Variants in DST observed in about 807,000 individuals in gnomAD.
DST encodes the protein bullous pemphigoid antigen.
Under a neutral mutation model 875.2 loss-of-function variants are expected in DST, and 253 were observed. That is an observed-to-expected ratio of 0.29 (90% CI 0.26 to 0.32). The LOEUF is 0.32. Among genes scored for constraint, DST ranks in the 10% least tolerant of loss-of-function variants. DST has a pLI of 1.00. For synonymous variants in DST, 3,124 were observed against 3,197.1 expected (o/e 0.98, Z 0.77); for missense variants, 8,287 against 9,111.6 (o/e 0.91, Z 3.68).
intron 5 of DST, among the ~76,000 whole-genome samples, chr6:56,711,910 T>C (rs1456735998): frequency 6.6e-6 from 1 of 151,180 alleles, no homozygotes; most frequent in African/African-American, 2.4e-5. Flanking sequence ...GCTAAAACGG[T>C]GAAACCCCGT....
intron 4 of DST, among the ~76,000 whole-genome samples, chr6:56,757,552 G>C (rs1299605831): frequency 6.6e-6 from 1 of 152,120 alleles, no homozygotes; most frequent in African/African-American, 2.4e-5. Flanking sequence ...GGGACACATG[G>C]TAGCCTGGAA....
intron 68 of DST, among the ~76,000 whole-genome samples, chr6:56,526,821 T>C (rs905368821): frequency 6.6e-5 from 10 of 152,214 alleles, no homozygotes; most frequent in Non-Finnish European, 1.2e-4. Context: ...AAATTTAATA[T>C]AAATATTTAA....
intron 49 of DST, among the ~76,000 whole-genome samples, chr6:56,582,422 G>A (rs2098024025): frequency 6.6e-6 from 1 of 151,744 alleles, no homozygotes; most frequent in African/African-American, 2.4e-5. Context: ...TCTCTCACTT[G>A]CTTCTGCTTT....
intron 96 of DST, 66 bp from the exon 97 acceptor site, chr6:56,470,023 T>C (rs1423892079): frequency 4.4e-6 from 7 of 1,604,810 alleles, no homozygotes; most frequent in Non-Finnish European, 6.0e-6. Flanking sequence ...CCTTAAAACT[T>C]TGACACAACA....
chr6:56,458,723 G>A lies in DST; in HGVS notation c.*282C>T, dbSNP rs2094177572. On this transcript the variant is annotated 3_prime_UTR_variant, in exon 104 of 104. Coordinates refer to ENST00000680361, the MANE Select transcript of DST (RefSeq NM_001374736.1). ...CAGAGAGGATGTAGACTTACCTGTA[G>A]GTACAGTAACTGAGTTTAGTGTGTG... is the stretch of plus-strand genomic sequence containing the variant. The A allele has an allele frequency of 3.9e-6, 1 of 256,382 alleles. No homozygotes were observed. 15.9% of individuals were successfully genotyped at this position (256,382 alleles called of 1,614,324 possible).
At chr6:56,847,118 G>A (rs1211795915) in intron 4 of DST, among the ~76,000 whole-genome samples, 1 of 151,718 alleles carries the variant, frequency 6.6e-6, no homozygotes, top group Admixed American at 6.6e-5. Context: ...AGGAGTTCGA[G>A]TCCAGCCTGG....
chr6:56,799,486 C>A (rs1021574405), intron 4 of DST, among the ~76,000 whole-genome samples: 10 of 152,004 alleles, frequency 6.6e-5, no homozygotes, highest in Non-Finnish European at 1.5e-4. Flanking sequence ...GGAACCACCA[C>A]CCTGATCAGT....
chr6:56,515,313 A>G, intron 72 of DST, 137 bp downstream of exon 72: 3 of 944,060 alleles, frequency 3.2e-6, no homozygotes, highest in East Asian at 2.6e-5. Context: ...TTATGAGGTA[A>G]GCAAATTACA....
At chr6:56,765,741 A>G (rs2099631753) in intron 4 of DST, among the ~76,000 whole-genome samples, 2 of 152,236 alleles carry the variant, frequency 1.3e-5, no homozygotes, top group Admixed American at 6.5e-5. Context: ...AGCATCTGGA[A>G]GAAGTCTCCA....
chr6:56,631,786 G>T, intron 29 of DST, 97 bp downstream of exon 29: 1 of 1,106,576 alleles, frequency 9.0e-7, no homozygotes, highest in East Asian at 2.4e-5. Context: ...ACTGGCTAGT[G>T]TGAGTGTGCA....
At chr6:56,578,459 T>G (rs551302498) in intron 50 of DST, among the ~76,000 whole-genome samples, 19 of 152,278 alleles carry the variant, frequency 1.2e-4, no homozygotes, top group African/African-American at 4.6e-4. Flanking sequence ...CCCTCAGAGA[T>G]TCTACTTTGG....
intron 4 of DST, among the ~76,000 whole-genome samples, chr6:56,753,546 T>C (rs371688363): frequency 6.6e-6 from 1 of 152,356 alleles, no homozygotes; most frequent in African/African-American, 2.4e-5. Context: ...ATGAATGTTA[T>C]GCACCTAAGA....
intron 5 of DST, among the ~76,000 whole-genome samples, chr6:56,718,037 G>C (rs1356231714): frequency 6.6e-6 from 1 of 152,088 alleles, no homozygotes; most frequent in Non-Finnish European, 1.5e-5. Flanking sequence ...TTTGAGACGA[G>C]TTTGAGACCA....
chr6:56,626,432 C>T (rs1400019212), intron 34 of DST, among the ~76,000 whole-genome samples: 1 of 152,092 alleles, frequency 6.6e-6, no homozygotes, highest in African/African-American at 2.4e-5. Flanking sequence ...TTACAGTTGC[C>T]TACACTATTC....
chr6:56,603,369 T>C lies in DST; in HGVS notation c.10993A>G (p.Lys3665Glu). The C allele has an allele frequency of 6.2e-7, 1 of 1,611,036 alleles. No homozygotes were observed. The highest frequency in any genetic ancestry group is 1.7e-5 in the Admixed American group (1 of 59,806). Residue 3665 changes from lysine (K) to glutamate (E), a missense_variant, in exon 42 of 104, where the codon AAG becomes GAG. By Grantham distance (56) the Lys-to-Glu change is moderately conservative. This residue lies in a region of DST where 3,138 missense variants were observed against 3,116.6 expected (regional missense o/e 1.01). Coordinates refer to ENST00000680361, the MANE Select transcript of DST (RefSeq NM_001374736.1). Reference protein sequence around the residue: ...PIAVILRKDMKLAEEFLKSLP... With the variant: ...PIAVILRKDMELAEEFLKSLP... ...GACTTTAAAAACTCTTCTGCCAACT[T>C]CATATCTTTTCTTAAAATAACAGCA...
Position 56,532,523 on chromosome 6 carries a change from C to A in DST, c.16942-13G>T. On this transcript the variant is annotated splice_polypyrimidine_tract_variant and intron_variant, in intron 63 of 103. Transcript: ENST00000680361. ...ATCTCTGGAGAAGCTTGAGACAAAA[C>A]ATTAAATATAAAAAAGCAAGGGAAT... The A allele has an allele frequency of 6.4e-7, 1 of 1,557,048 alleles. No homozygotes were observed. Among genetic ancestry groups the A allele is most frequent in the Admixed American group, 2.1e-5 (1 of 48,522 alleles).
chr6:56,857,792 G>A (rs1173942286), intron 3 of DST, among the ~76,000 whole-genome samples: 1 of 152,118 alleles, frequency 6.6e-6, no homozygotes, highest in African/African-American at 2.4e-5. Flanking sequence ...ATCCTTATAT[G>A]ACTAGTTTTT....
At chr6:56,824,808 G>T (rs543826080) in intron 4 of DST, among the ~76,000 whole-genome samples, 2 of 151,478 alleles carry the variant, frequency 1.3e-5, no homozygotes, top group Non-Finnish European at 2.9e-5. Context: ...CCCTCCGTCC[G>T]GCAGCCGCCC....
chr6:56,616,983 T>C (rs540730040), intron 36 of DST: 2 of 1,609,558 alleles, frequency 1.2e-6, no homozygotes, highest in Admixed American at 3.4e-5. Flanking sequence ...ATTTTGTCTA[T>C]TATGATTCTC....
Sources: allele counts gnomAD v4.1 joint callset (sites outside exome capture counted in the v4.1 genomes callset), GRCh38; gene constraint gnomAD v4.1.1; regional missense constraint gnomAD v4.1.1; transcripts MANE v1.5; gene names NCBI Gene and HGNC (gene_info 2026-07-23, HGNC 2026-07-21).